Variants in MED13L observed in about 807,000 individuals in gnomAD.
MED13L encodes mediator of RNA polymerase II transcription subunit 13-like.
In MED13L, 7 loss-of-function variants were observed where a neutral mutation model predicts 220.9. The observed-to-expected ratio is 0.03, with a 90% CI of 0.02 to 0.06. The LOEUF (loss-of-function observed/expected upper bound fraction) is 0.06. MED13L is among the 10% of genes least tolerant of loss of function. MED13L has a pLI of 1.00. For missense variants in MED13L, 1,965 were observed against 2,760.5 expected, an observed-to-expected ratio of 0.71 and a Z score of 6.46; for synonymous variants, 1,011 against 1,015.2, an observed-to-expected ratio of 1.00 and a Z score of 0.08.
Position 116,213,364 on chromosome 12 carries a change from C to T in MED13L, c.310+24104G>A, listed in dbSNP as rs117667133. ...TGTTTTGAAGTAAAAAATAATACTA[C>T]TAAAATTATTTGCAAGTTTCTTCTG... On this transcript the variant is annotated intron_variant, in intron 2 of 30. Coordinates refer to ENST00000281928, the MANE Select transcript of MED13L (RefSeq NM_015335.5). 5.4e-3 allele frequency among the ~76,000 whole-genome samples: 815 copies of T among 151,522 alleles called. 1 individual carries two copies. Among genetic ancestry groups the T allele is most frequent in the Non-Finnish European group, 9.6e-3 (653 of 67,956 alleles).
At chr12:116,081,229 T>C (rs1046110584) in intron 4 of MED13L, among the ~76,000 whole-genome samples, 14 of 152,190 alleles carry the variant, frequency 9.2e-5, no homozygotes, top group Non-Finnish European at 1.6e-4. Flanking sequence ...AGTCTAATGC[T>C]CCTTAAACTG....
chr12:115,980,894 T>C lies in MED13L; in HGVS notation c.5220A>G (p.Gln1740=). ...QYMLQTMKDE[Q]VFYIQYLKSM... ...ACTTCAAGTATTGAATGTAGAAAAC[T>C]TGCTCATCCTTCATTGTCTGCAGCA... The change falls in exon 23 of 31, where the codon CAA becomes CAG. Residue 1740 remains glutamine, a synonymous_variant. Coordinates refer to ENST00000281928, the MANE Select transcript of MED13L (RefSeq NM_015335.5). The C allele has an allele frequency of 6.8e-6, 11 of 1,613,262 alleles. No homozygotes were observed. The highest frequency in any genetic ancestry group is 9.3e-6 in the Non-Finnish European group (11 of 1,179,994).
In MED13L at chr12:116,049,175, C is replaced by A. The variant is rs181680239; in HGVS notation, c.480-26574G>T. ...ATTCTGTTCCAGATGAAAACAAAGA[C>A]ACAACTGAAATCACCTTTATTTTTA... On this transcript the variant is annotated intron_variant, in intron 4 of 30. Coordinates refer to ENST00000281928, the MANE Select transcript of MED13L (RefSeq NM_015335.5). Among the ~76,000 whole-genome samples the A allele has an allele frequency of 2.0e-5, 3 of 152,102 alleles. No individual in the cohort carries two copies. In the South Asian group the frequency reaches 6.2e-4, roughly 32 times the overall value.
intron 4 of MED13L, among the ~76,000 whole-genome samples, chr12:116,091,466 CTA>C (rs1310774122): frequency 8.5e-5 from 13 of 152,146 alleles, no homozygotes; most frequent in Non-Finnish European, 1.8e-4. Context: ...TAACATTCCC[CTA>C]TATATGTTTA....
intron 5 of MED13L, among the ~76,000 whole-genome samples, chr12:116,020,820 T>C (rs1401895931): frequency 6.6e-6 from 1 of 152,206 alleles, no homozygotes; most frequent in Non-Finnish European, 1.5e-5. Flanking sequence ...TAAAGGCCAC[T>C]TTTTCTTAAT....
chr12:116,173,806 T>C (rs1397919300), intron 2 of MED13L, among the ~76,000 whole-genome samples: 1 of 152,096 alleles, frequency 6.6e-6, no homozygotes, highest in Non-Finnish European at 1.5e-5. Flanking sequence ...AACAGAAGAA[T>C]GGAAAAGCCA....
At chr12:116,276,352 G>GTGT in intron 1 of MED13L, 11 of 727,276 alleles carry the variant, frequency 1.5e-5, no homozygotes, top group Non-Finnish European at 2.0e-5. Context: ...GTGTGTGTGT[G>GTGT]CGGATTCGTT....
At chr12:116,210,550 C>CATATATAT (rs1161320463) in intron 2 of MED13L, among the ~76,000 whole-genome samples, 1 of 60,386 alleles carries the variant, frequency 1.7e-5, no homozygotes, top group African/African-American at 8.1e-5. Flanking sequence ...CAGAACGTAA[C>CATATATAT]CTATATATAT....
chr12:116,085,309 A>G (rs904319677), intron 4 of MED13L, among the ~76,000 whole-genome samples: 12 of 152,050 alleles, frequency 7.9e-5, no homozygotes, highest in African/African-American at 2.7e-4. Context: ...AACTTGAACA[A>G]ACCACTCAAT....
At chr12:116,050,398 C>T (rs1287625286) in intron 4 of MED13L, among the ~76,000 whole-genome samples, 2 of 152,054 alleles carry the variant, frequency 1.3e-5, no homozygotes, top group Non-Finnish European at 2.9e-5. Flanking sequence ...AATACTAAAA[C>T]TCTAGAAATA....
At chr12:116,104,475 A>G (rs1873382050) in intron 3 of MED13L, among the ~76,000 whole-genome samples, 1 of 152,200 alleles carries the variant, frequency 6.6e-6, no homozygotes, top group Admixed American at 6.5e-5. Flanking sequence ...TCTTAACTCT[A>G]AACACTGAAT....
intron 4 of MED13L, among the ~76,000 whole-genome samples, chr12:116,039,442 A>G (rs1881391677): frequency 6.6e-6 from 1 of 152,214 alleles, no homozygotes; most frequent in African/African-American, 2.4e-5. Flanking sequence ...TACTCTTCCC[A>G]TGCCATAGAG....
intron 2 of MED13L, among the ~76,000 whole-genome samples, chr12:116,160,131 G>A (rs1236333536): frequency 1.3e-5 from 2 of 152,064 alleles, no homozygotes; most frequent in East Asian, 3.8e-4. Context: ...CTATAATTCT[G>A]CTACAATTCA....
chr12:116,196,056 A>C (rs1026552327), intron 2 of MED13L, among the ~76,000 whole-genome samples: 2 of 152,104 alleles, frequency 1.3e-5, no homozygotes, highest in Non-Finnish European at 2.9e-5. Context: ...ACAAGGTTCA[A>C]TGATATATTT....
At chr12:116,271,524 G>A (rs1730355469) in intron 1 of MED13L, among the ~76,000 whole-genome samples, 1 of 151,790 alleles carries the variant, frequency 6.6e-6, no homozygotes, top group Non-Finnish European at 1.5e-5. Flanking sequence ...AACCCGGGAG[G>A]CTGAGGCAGG....
intron 1 of MED13L, among the ~76,000 whole-genome samples, chr12:116,274,988 C>CT: frequency 7.0e-6 from 1 of 143,040 alleles, no homozygotes; most frequent in South Asian, 2.2e-4. Flanking sequence ...CTTACTTAAG[C>CT]TTTAAAAAAA....
At chr12:116,183,834 G>GTGTGTA (rs1880703216) in intron 2 of MED13L, among the ~76,000 whole-genome samples, 2 of 151,484 alleles carry the variant, frequency 1.3e-5, no homozygotes, top group South Asian at 2.1e-4. Context: ...GTGTGTGTGT[G>GTGTGTA]TGTGTGTGTA....
intron 2 of MED13L, among the ~76,000 whole-genome samples, chr12:116,117,216 A>G (rs1874602445): frequency 6.6e-6 from 1 of 152,094 alleles, no homozygotes; most frequent in Middle Eastern, 3.2e-3. Context: ...ATTCATTCAT[A>G]TGTCATTCTC....
chr12:116,095,670 C>A (rs1435241349), intron 4 of MED13L, among the ~76,000 whole-genome samples: 1 of 152,194 alleles, frequency 6.6e-6, no homozygotes, highest in African/African-American at 2.4e-5. Flanking sequence ...GTACCTGGGA[C>A]ACTTAGGGCA....
Sources: allele counts gnomAD v4.1 joint callset (sites outside exome capture counted in the v4.1 genomes callset), GRCh38; gene constraint gnomAD v4.1.1; transcripts MANE v1.5; gene names NCBI Gene and HGNC (gene_info 2026-07-23, HGNC 2026-07-21).